The following CRYM variants were observed in gnomAD, a reference collection of about 807,000 sequenced individuals.
CRYM encodes the protein ketimine reductase mu-crystallin.
Under a neutral mutation model 32.9 loss-of-function variants are expected in CRYM, and 18 were observed. The ratio of observed to expected loss-of-function variants is 0.55; its 90% CI spans 0.38 to 0.81. CRYM has a LOEUF of 0.81. Ranked by LOEUF, CRYM falls within the 30% of genes least tolerant of loss-of-function variation. CRYM has a pLI of 0.00. For missense variants in CRYM, 337 were observed against 393.5 expected (o/e 0.86, Z 1.21); for synonymous variants, 153 against 152.4 (o/e 1.00, Z -0.03).
At chr16:21,295,966 C>A (rs935282557) in intron 1 of CRYM, among the ~76,000 whole-genome samples, 4 of 152,124 alleles carry the variant, frequency 2.6e-5, no homozygotes, top group Non-Finnish European at 4.4e-5. Context: ...TTGTTGCACC[C>A]CATCTCCTAT....
intron 1 of CRYM, among the ~76,000 whole-genome samples, chr16:21,294,457 A>G (rs995469794): frequency 6.6e-6 from 1 of 152,096 alleles, no homozygotes; most frequent in Non-Finnish European, 1.5e-5. Context: ...CTAGGTTTTA[A>G]GCCCCATGTG....
intron 1 of CRYM, among the ~76,000 whole-genome samples, chr16:21,291,189 A>G (rs1960645963): frequency 6.6e-6 from 1 of 152,182 alleles, no homozygotes; most frequent in Admixed American, 6.5e-5. Flanking sequence ...TTGGAATAAT[A>G]CTTTTAAAAA....
intron 1 of CRYM, among the ~76,000 whole-genome samples, chr16:21,296,872 G>C (rs1597632731): frequency 1.3e-5 from 2 of 152,036 alleles, no homozygotes; most frequent in Non-Finnish European, 2.9e-5. Context: ...AGCCGGGCAT[G>C]GTGGCAGACA....
intron 1 of CRYM, among the ~76,000 whole-genome samples, chr16:21,301,587 C>T (rs1351019188): frequency 6.6e-6 from 1 of 152,218 alleles, no homozygotes; most frequent in Non-Finnish European, 1.5e-5. Context: ...AAACTGGGGA[C>T]TACACTCGTG....
intron 1 of CRYM, among the ~76,000 whole-genome samples, chr16:21,291,561 AT>A (rs757683208): frequency 1.3e-5 from 2 of 152,120 alleles, no homozygotes; most frequent in Non-Finnish European, 2.9e-5. Flanking sequence ...TGCATAATGC[AT>A]TTTCTCTGTG....
intron 1 of CRYM, among the ~76,000 whole-genome samples, chr16:21,286,078 G>A (rs1425699406): frequency 1.3e-5 from 2 of 152,132 alleles, no homozygotes; most frequent in Non-Finnish European, 1.5e-5. Flanking sequence ...AAGAGTACTT[G>A]TCATAGTTCT....
intron 1 of CRYM, among the ~76,000 whole-genome samples, chr16:21,296,527 A>G (rs965726680): frequency 6.6e-6 from 1 of 152,244 alleles, no homozygotes; most frequent in Non-Finnish European, 1.5e-5. Flanking sequence ...CAACCAGTAT[A>G]CCTGAAAAAA....
intron 1 of CRYM, chr16:21,284,186 G>A (rs2093403586): frequency 6.6e-6 from 1 of 151,064 alleles, no homozygotes; most frequent in Non-Finnish European, 1.5e-5. Context: ...AGAAGGGTTT[G>A]AGCGGTGTAG....
intron 1 of CRYM, among the ~76,000 whole-genome samples, chr16:21,296,956 C>A (rs1327197244): frequency 6.6e-6 from 1 of 151,696 alleles, no homozygotes; most frequent in African/African-American, 2.4e-5. Context: ...TTGCAGTGAG[C>A]CGAGATCGCG....
chr16:21,286,615 CAT>C (rs2093407786), intron 1 of CRYM, among the ~76,000 whole-genome samples: 2 of 152,114 alleles, frequency 1.3e-5, no homozygotes, highest in South Asian at 4.1e-4. Flanking sequence ...TATACCAAGA[CAT>C]ATCAGAATTG....
At chr16:21,258,887 C>G (rs766111782) in intron 7 of CRYM, 42 bp from the exon 8 acceptor site, 6 of 1,583,660 alleles carry the variant, frequency 3.8e-6, no homozygotes, top group Non-Finnish European at 5.2e-6. Flanking sequence ...GTCAAAACAA[C>G]TTTTCTTGAA....
intron 6 of CRYM, 43 bp from the exon 7 acceptor site, chr16:21,261,381 C>A: frequency 6.5e-7 from 1 of 1,545,738 alleles, no homozygotes; most frequent in Non-Finnish European, 8.9e-7. Context: ...AAGCTAAAGT[C>A]TGTGCAGGGT....
In CRYM at chr16:21,277,939, C is replaced by T. The variant is rs2093390312; in HGVS notation, c.170+143G>A. 1.0e-6 allele frequency: 1 copy of T among 962,452 alleles called. No homozygotes were observed. The highest frequency in any genetic ancestry group is 1.5e-6 in the Non-Finnish European group (1 of 660,078). The allele number at this position is 962,452 out of a possible 1,614,324, so 59.6% of individuals were successfully genotyped here. On this transcript the variant is annotated intron_variant, in intron 1 of 7. Coordinates refer to ENST00000572914, the MANE Select transcript of CRYM (RefSeq NM_001376256.1). The surrounding 1 kb of genome is among the most constrained non-coding windows in gnomAD (Gnocchi z 4.2). The stretch of plus-strand genomic sequence containing the variant: ...ACCTGTAAAACGCCCACTTAGCACA[C>T]CGGGTAGCGCCTATTAAAAGTGGCA...
intron 1 of CRYM, among the ~76,000 whole-genome samples, chr16:21,290,583 A>G (rs906693697): frequency 6.6e-6 from 1 of 152,156 alleles, no homozygotes; most frequent in African/African-American, 2.4e-5. Flanking sequence ...GCATCTTACA[A>G]ATATGCTTTT....
chr16:21,280,968 G>A (rs1823925418), upstream of CRYM, among the ~76,000 whole-genome samples: 1 of 151,964 alleles, frequency 6.6e-6, no homozygotes, highest in South Asian at 2.1e-4. Context: ...AGCCAGGTGT[G>A]GTAGCATGTG....
intron 1 of CRYM, among the ~76,000 whole-genome samples, chr16:21,295,679 T>C (rs971064331): frequency 6.6e-6 from 1 of 152,228 alleles, no homozygotes; most frequent in African/African-American, 2.4e-5. Context: ...ACGTCTATAA[T>C]CTCAGCACTT....
At chr16:21,283,161 C>T (rs2093401159), upstream of CRYM, among the ~76,000 whole-genome samples, 2 of 152,168 alleles carry the variant, frequency 1.3e-5, no homozygotes, top group Admixed American at 6.5e-5. Context: ...TGGTTACTTA[C>T]ATCCCCCTAG....
chr16:21,295,576 G>A (rs567255636), intron 1 of CRYM, among the ~76,000 whole-genome samples: 2 of 152,054 alleles, frequency 1.3e-5, no homozygotes, highest in East Asian at 1.9e-4. Context: ...CAAGGAATTC[G>A]TCCATTTCAC....
At chr16:21,259,844 A>G (rs1410796950) in intron 7 of CRYM, among the ~76,000 whole-genome samples, 1 of 152,238 alleles carries the variant, frequency 6.6e-6, no homozygotes. Flanking sequence ...CTGTTAGATG[A>G]AACAATGCAC....
Sources: gnomAD v4.1 joint callset for allele counts (sites outside exome capture counted in the v4.1 genomes callset) on GRCh38, gnomAD v4.1.1 for gene constraint, Gnocchi (gnomAD v3.1) non-coding constraint, MANE v1.5 for transcripts, NCBI Gene and HGNC (gene_info 2026-07-23, HGNC 2026-07-21) for gene names.